NEK10: variants seen among roughly 807,000 people sequenced by gnomAD.
The protein encoded by NEK10 is serine/threonine-protein kinase Nek10.
In NEK10, 122 loss-of-function variants were observed where a neutral mutation model predicts 159.8. The ratio of observed to expected loss-of-function variants is 0.76; its 90% CI spans 0.66 to 0.89. The LOEUF is 0.89. Ranked by LOEUF, NEK10 falls within the 40% of genes least tolerant of loss-of-function variation. The pLI, the probability that NEK10 is intolerant of heterozygous loss-of-function variation, is 0.00. For synonymous variants in NEK10, 466 were observed against 457.1 expected (o/e 1.02, Z -0.25); for missense variants, 1,342 against 1,323.1 (o/e 1.01, Z -0.22).
chr3:27,331,263 A>C (rs1005098024), intron 5 of NEK10, among the ~76,000 whole-genome samples: 6 of 112,526 alleles, frequency 5.3e-5, no homozygotes, highest in Non-Finnish European at 8.4e-5. Context: ...AAAAAAAAAA[A>C]CACACAAACC....
chr3:27,125,853 G>C lies in NEK10; in HGVS notation c.3082-5985C>G, dbSNP rs112860852. Among the ~76,000 whole-genome samples the C allele has an allele frequency of 2.6e-3, 399 of 152,164 alleles. 2 individuals are homozygous for C. Among genetic ancestry groups the C allele is most frequent in the African/African-American group, 9.1e-3 (377 of 41,516 alleles). On this transcript the variant is annotated intron_variant, in intron 32 of 35. Coordinates refer to ENST00000691995, the MANE Select transcript of NEK10 (RefSeq NM_001394966.1). ...CAGAAAATCCCTAAACTAAAAGAAG[G>C]CTGAAAAACCACTGTTCTACACTAC... is the stretch of plus-strand genomic sequence containing the variant.
chr3:27,300,147 A>G (rs2043689519), intron 13 of NEK10, among the ~76,000 whole-genome samples: 1 of 152,186 alleles, frequency 6.6e-6, no homozygotes, highest in African/African-American at 2.4e-5. Flanking sequence ...TGTAACTCCC[A>G]CAATTTTCAT....
chr3:27,211,278 A>G (rs11928065), intron 23 of NEK10, among the ~76,000 whole-genome samples: 35,749 of 152,182 alleles, frequency 0.23, 4,547 homozygotes, highest in Middle Eastern at 0.38. Context: ...ACTAAGTACT[A>G]TACAAATGCA....
chr3:27,300,050 T>C (rs535567884), intron 13 of NEK10, among the ~76,000 whole-genome samples: 1 of 152,304 alleles, frequency 6.6e-6, no homozygotes, highest in East Asian at 1.9e-4. Context: ...TGACTGGTTT[T>C]GAAATGTGAG....
At chr3:27,358,012 T>C (rs368981584) in intron 1 of NEK10, among the ~76,000 whole-genome samples, 1 of 152,208 alleles carries the variant, frequency 6.6e-6, no homozygotes, top group South Asian at 2.1e-4. Flanking sequence ...AAAATAAAAA[T>C]AGAAAACCAC....
chr3:27,287,136 T>TAAAAAA (rs36078735), intron 20 of NEK10, among the ~76,000 whole-genome samples: 1 of 134,510 alleles, frequency 7.4e-6, no homozygotes, highest in African/African-American at 2.8e-5. Flanking sequence ...AGGCCCTACT[T>TAAAAAA]AAAAAAAAAA....
rs1449829667 is a variant in NEK10, at chr3:27,352,504, T to G, written c.93A>C (p.Arg31Ser). ...ATTGGACGTTCAAAAGGCACCGAAG[T>G]CTTTTAAGATCTGAATAGTCCCTAG... ...ITIRDYSDLK[R>S]LRCLLNVQSS... The change falls in exon 3 of 36, where the codon AGA becomes AGC. Residue 31 changes from arginine to serine, a missense_variant. Arg to Ser is a moderately radical substitution (Grantham distance 110). Coordinates refer to ENST00000691995, the MANE Select transcript of NEK10 (RefSeq NM_001394966.1). The G allele has an allele frequency of 6.2e-7, 1 of 1,610,426 alleles. No individual in the cohort carries two copies. The highest frequency in any genetic ancestry group is 1.1e-5 in the South Asian group (1 of 91,008).
chr3:27,179,982 G>A (rs533249874), intron 26 of NEK10, among the ~76,000 whole-genome samples: 5 of 152,250 alleles, frequency 3.3e-5, no homozygotes, highest in African/African-American at 1.2e-4. Flanking sequence ...TCGCAAGGCT[G>A]AAGCACGAGA....
At chr3:27,364,182 T>C (rs2048885897) in intron 1 of NEK10, among the ~76,000 whole-genome samples, 1 of 152,036 alleles carries the variant, frequency 6.6e-6, no homozygotes, top group South Asian at 2.1e-4. Context: ...ACTTTATTTA[T>C]TTATTTTTTG....
intron 30 of NEK10, among the ~76,000 whole-genome samples, chr3:27,156,812 G>T (rs1347558827): frequency 6.6e-6 from 1 of 150,666 alleles, no homozygotes; most frequent in Non-Finnish European, 1.5e-5. Context: ...CAGAGGAAAA[G>T]ATATCATAAT....
intron 3 of NEK10, among the ~76,000 whole-genome samples, chr3:27,351,521 G>A (rs116067198): frequency 0.01 from 1,593 of 152,176 alleles, 10 homozygotes; most frequent in Middle Eastern, 0.037. Context: ...ATTAAGCAGG[G>A]TAATGCAGGT....
chr3:27,205,327 T>C (rs1444753930), intron 23 of NEK10, among the ~76,000 whole-genome samples: 1 of 141,118 alleles, frequency 7.1e-6, no homozygotes, highest in African/African-American at 2.6e-5. Context: ...AAGCTACCAA[T>C]GACTTTCTTC....
chr3:27,310,706 G>T, intron 9 of NEK10: 1 of 382,066 alleles, frequency 2.6e-6, no homozygotes, highest in African/African-American at 2.1e-5. Context: ...AACCTAGTTG[G>T]TATTAAATGG....
At chr3:27,162,418 G>T (rs1006463589) in intron 30 of NEK10, 1 of 1,600,020 alleles carries the variant, frequency 6.2e-7, no homozygotes, top group East Asian at 2.2e-5. Flanking sequence ...TTCTGCATTT[G>T]CCCATTGTGT....
chr3:27,258,095 C>A (rs1956404256), intron 22 of NEK10, among the ~76,000 whole-genome samples: 1 of 151,908 alleles, frequency 6.6e-6, no homozygotes, highest in South Asian at 2.1e-4. Flanking sequence ...CATGCCCGGC[C>A]TCCAATAGCT....
At chr3:27,300,411 T>A (rs1223662910) in intron 13 of NEK10, among the ~76,000 whole-genome samples, 1 of 152,172 alleles carries the variant, frequency 6.6e-6, no homozygotes, top group Non-Finnish European at 1.5e-5. Flanking sequence ...TGTGGAACTG[T>A]AAGTCCATTA....
chr3:27,119,207 G>T (rs1177525459), intron 33 of NEK10, among the ~76,000 whole-genome samples: 1 of 152,180 alleles, frequency 6.6e-6, no homozygotes, highest in African/African-American at 2.4e-5. Flanking sequence ...GGAAACTGGG[G>T]TTCAGAGAGG....
At chr3:27,322,377 A>C (rs1400178522) in intron 5 of NEK10, 116 bp from the exon 6 acceptor site, 5 of 653,330 alleles carry the variant, frequency 7.7e-6, no homozygotes, top group Non-Finnish European at 1.4e-5. Context: ...GTTAATTTGC[A>C]CTGGGGACTG....
At chr3:27,136,727 A>C (rs1163415883) in intron 31 of NEK10, among the ~76,000 whole-genome samples, 1 of 152,194 alleles carries the variant, frequency 6.6e-6, no homozygotes, top group Non-Finnish European at 1.5e-5. Flanking sequence ...CAAGGTAAGG[A>C]TTTTAACATC....
Sources: gnomAD v4.1 joint callset for allele counts (sites outside exome capture counted in the v4.1 genomes callset) on GRCh38, gnomAD v4.1.1 for gene constraint, MANE v1.5 for transcripts, NCBI Gene and HGNC (gene_info 2026-07-23, HGNC 2026-07-21) for gene names.